IFT57: variants seen among roughly 807,000 people sequenced by gnomAD.
IFT57 encodes intraflagellar transport 57, also known as intraflagellar transport protein 57 homolog.
In IFT57, 59 loss-of-function variants were observed where a neutral mutation model predicts 56.8. The ratio of observed to expected loss-of-function variants is 1.04; its 90% CI spans 0.84 to 1.29. The LOEUF (loss-of-function observed/expected upper bound fraction) is 1.29. IFT57 is among the 50% of genes most tolerant of loss of function. The probability of loss-of-function intolerance (pLI) is 0.00; values close to 1 mark genes in which losing one functional copy is unlikely to be tolerated. For missense variants in IFT57, 470 were observed against 522.1 expected, an observed-to-expected ratio of 0.90 and a Z score of 0.97; for synonymous variants, 209 against 186.1, an observed-to-expected ratio of 1.12 and a Z score of -1.00.
rs115547965 is a variant in IFT57 at position 108,219,425 on chromosome 3, G to A, written c.360C>T (p.Ser120=). The A allele has an allele frequency of 9.6e-4, 1,550 of 1,613,410 alleles. 19 individuals carry two copies. The African/African-American group carries it at 0.018, about 19-fold the overall frequency. ...DPNATISNIL[S]ELRSFGRTAD... is the part of the protein sequence containing the mutation. ...TTACACTTACAAATGACCGAAGCTC[G>A]GATAGTATGTTAGATATTGTTGCAT... Residue 120 remains serine, a synonymous_variant, in exon 2 of 11, where the codon TCC becomes TCT. Transcript: ENST00000264538.
At chr3:108,168,755 T>C (rs1456366337) in intron 6 of IFT57, among the ~76,000 whole-genome samples, 5 of 152,052 alleles carry the variant, frequency 3.3e-5, no homozygotes, top group Non-Finnish European at 7.4e-5. Context: ...TTTGGTTTTC[T>C]GTTCCTGTGT....
In IFT57 at chr3:108,218,533, A is replaced by T; in HGVS notation, c.494+2T>A. The T allele has an allele frequency of 6.9e-7, 1 of 1,455,910 alleles. No individual in the cohort carries two copies. The highest frequency in any genetic ancestry group is 9.4e-7 in the Non-Finnish European group (1 of 1,069,296). The allele number at this position is 1,455,910 out of a possible 1,614,324, so 90.2% of individuals were successfully genotyped here. On this transcript the variant is annotated splice_donor_variant, in intron 3 of 10. Transcript: ENST00000264538. LOFTEE classifies it high-confidence loss of function. ...ACTATCATCAGGGTGGGTAATTTTT[A>T]CCTTTTCCAGGTGAAACCAATATAT...
chr3:108,196,956 G>C (rs1311317526), intron 5 of IFT57, among the ~76,000 whole-genome samples: 1 of 152,106 alleles, frequency 6.6e-6, no homozygotes, highest in Non-Finnish European at 1.5e-5. Context: ...AATACTTTGA[G>C]AAAATTTTTC....
chr3:108,162,598 A>G lies in IFT57; in HGVS notation c.1169T>C (p.Met390Thr). The G allele has an allele frequency of 6.2e-7, 1 of 1,612,742 alleles. No homozygotes were observed. The highest frequency in any genetic ancestry group is 8.5e-7 in the Non-Finnish European group (1 of 1,179,172). ...LTKLKQETVE[M>T]DIRIGIVEHT... The stretch of plus-strand genomic sequence containing the variant: ...TTCCACAATGCCAATTCTAATGTCC[A>G]TCTCTACAGTTTCTTGCTTCAGTTT... The change falls in exon 11 of 11, where the codon ATG (methionine) becomes ACG (threonine). Residue 390 changes from methionine (M) to threonine (T), a missense_variant. Coordinates refer to ENST00000264538, the MANE Select transcript of IFT57 (RefSeq NM_018010.4).
At chr3:108,168,798 T>C (rs2080076218) in intron 6 of IFT57, among the ~76,000 whole-genome samples, 2 of 152,054 alleles carry the variant, frequency 1.3e-5, no homozygotes, top group African/African-American at 2.4e-5. Flanking sequence ...CCCAGCTTCA[T>C]CCATGTCCCT....
rs143086198 is a variant in IFT57 at position 108,169,267 on chromosome 3, T to A, written c.778-1403A>T. 3.6e-3 allele frequency among the ~76,000 whole-genome samples: 542 copies of A among 152,156 alleles called. 4 individuals carry two copies. The highest frequency in any genetic ancestry group is 5.8e-3 in the Non-Finnish European group (396 of 67,960). On this transcript the variant is annotated intron_variant, in intron 6 of 10. Coordinates refer to ENST00000264538, the MANE Select transcript of IFT57 (RefSeq NM_018010.4). ...GTGGTGATGAGCTTTTTATCATATG[T>A]TTTTTGGCCACATAAATGTCTTCTT... is the stretch of plus-strand genomic sequence containing the variant.
chr3:108,166,811 G>C, intron 8 of IFT57, 43 bp downstream of exon 8: 3 of 1,565,452 alleles, frequency 1.9e-6, no homozygotes, highest in Non-Finnish European at 2.6e-6. Context: ...AGGGTTTAGG[G>C]TTGTTAACTT....
Position 108,162,586 on chromosome 3 carries a change from A to T in IFT57, c.1181T>A (p.Ile394Asn). ...KQETVEMDIR[I>N]GIVEHTLLQS... The stretch of plus-strand genomic sequence containing the variant: ...GAGTAGTGTGTGTTCCACAATGCCA[A>T]TTCTAATGTCCATCTCTACAGTTTC... Residue 394 changes from isoleucine (I) to asparagine (N), a missense_variant, in exon 11 of 11, where the codon ATT (isoleucine) becomes AAT (asparagine). Coordinates refer to ENST00000264538, the MANE Select transcript of IFT57 (RefSeq NM_018010.4). The T allele has an allele frequency of 6.2e-7, 1 of 1,613,162 alleles. No individual in the cohort carries two copies. The highest frequency in any genetic ancestry group is 8.5e-7 in the Non-Finnish European group (1 of 1,179,386).
At chr3:108,188,429 A>G (rs1396273600) in intron 6 of IFT57, among the ~76,000 whole-genome samples, 1 of 152,220 alleles carries the variant, frequency 6.6e-6, no homozygotes, top group African/African-American at 2.4e-5. Flanking sequence ...AGAAGTTTGT[A>G]AAATACTAGA....
chr3:108,222,273 AC>A lies in IFT57; in HGVS notation c.49del (p.Val17CysfsTer27). ...GGTCCCTTCGCCACGGGACCTAGGC[AC>A]CCCATCTTCCAAACCCGACGTCGTG... ...VVTTSGLEDG[V>X]PRSRGEGTGE... On this transcript the variant is annotated frameshift_variant, in exon 1 of 11. Transcript: ENST00000264538. LOFTEE classifies it high-confidence loss of function. The A allele has an allele frequency of 6.2e-7, 1 of 1,613,542 alleles. No individual in the cohort carries two copies. The highest frequency in any genetic ancestry group is 1.7e-4 in the Middle Eastern group (1 of 6,034).
chr3:108,216,733 C>A (rs1261060026), intron 3 of IFT57, among the ~76,000 whole-genome samples: 1 of 152,102 alleles, frequency 6.6e-6, no homozygotes, highest in African/African-American at 2.4e-5. Flanking sequence ...CCTAAGTATC[C>A]ATCAAAGGTT....
chr3:108,199,166 C>G (rs2080262936), intron 5 of IFT57, among the ~76,000 whole-genome samples: 1 of 152,100 alleles, frequency 6.6e-6, no homozygotes, highest in East Asian at 1.9e-4. Flanking sequence ...TCTTTATACT[C>G]TTTTGTTGTT....
At chr3:108,206,759 C>A in intron 4 of IFT57, 63 bp from the exon 5 acceptor site, 1 of 471,752 alleles carries the variant, frequency 2.1e-6, no homozygotes, top group South Asian at 5.4e-5. Context: ...TTTCCAGTTT[C>A]CACCTATATG....
intron 6 of IFT57, among the ~76,000 whole-genome samples, chr3:108,182,831 G>C (rs145111432): frequency 3.2e-4 from 48 of 152,156 alleles, no homozygotes; most frequent in African/African-American, 1.1e-3. Context: ...TAATACTAGA[G>C]ACATTTTGGT....
At chr3:108,167,989 T>C (rs750821342) in intron 6 of IFT57, 125 bp from the exon 7 acceptor site, 2 of 523,160 alleles carry the variant, frequency 3.8e-6, no homozygotes, top group Non-Finnish European at 6.7e-6. Flanking sequence ...GATAGCCCTA[T>C]TTATAGCTTG....
intron 6 of IFT57, among the ~76,000 whole-genome samples, chr3:108,173,730 A>G (rs1577048441): frequency 2.0e-5 from 3 of 150,836 alleles, no homozygotes; most frequent in African/African-American, 7.3e-5. Context: ...GTAAAGTCGA[A>G]AAATTGTTAA....
intron 5 of IFT57, among the ~76,000 whole-genome samples, chr3:108,201,196 T>A (rs2080276963): frequency 6.6e-6 from 1 of 152,206 alleles, no homozygotes; most frequent in African/African-American, 2.4e-5. Flanking sequence ...TGAATCTACC[T>A]TGAAGGTATG....
At chr3:108,206,419 A>G (rs9813446) in intron 5 of IFT57, among the ~76,000 whole-genome samples, 14,762 of 152,048 alleles carry the variant, frequency 0.097, 775 homozygotes, top group Middle Eastern at 0.12. Context: ...AATTTTCCAT[A>G]ATACAGACAG....
intron 6 of IFT57, among the ~76,000 whole-genome samples, chr3:108,175,795 C>G (rs1219018078): frequency 1.4e-5 from 2 of 140,474 alleles, no homozygotes; most frequent in Non-Finnish European, 3.3e-5. Context: ...AAATACCAAA[C>G]CTTCTTTAAA....
Sources: allele counts gnomAD v4.1 joint callset (sites outside exome capture counted in the v4.1 genomes callset), GRCh38; gene constraint gnomAD v4.1.1; transcripts MANE v1.5; gene names NCBI Gene and HGNC (gene_info 2026-07-23, HGNC 2026-07-21).